The following HS2ST1 variants were observed in gnomAD, a reference collection of about 807,000 sequenced individuals.
HS2ST1 encodes the protein 2-O-sulfotransferase.
HS2ST1 carries 18 observed loss-of-function variants against 42.9 expected under a neutral mutation model. The observed-to-expected ratio is 0.42, with a 90% CI of 0.29 to 0.62. The LOEUF (loss-of-function observed/expected upper bound fraction) is 0.62, where lower values mean the gene tolerates loss of function less well. HS2ST1 is among the 20% of genes least tolerant of loss of function. The probability of loss-of-function intolerance (pLI) is 0.21; values close to 1 mark genes in which losing one functional copy is unlikely to be tolerated. For synonymous variants in HS2ST1, 146 were observed against 152.9 expected, an observed-to-expected ratio of 0.95 and a Z score of 0.33; for missense variants, 334 against 433.8, an observed-to-expected ratio of 0.77 and a Z score of 2.04.
At chr1:87,032,371 C>A (rs1049329756) in intron 1 of HS2ST1, among the ~76,000 whole-genome samples, 4 of 152,114 alleles carry the variant, frequency 2.6e-5, no homozygotes, top group Non-Finnish European at 5.9e-5. Flanking sequence ...TGTCAGGTCT[C>A]TTTCCCAGCC....
At chr1:86,960,227 C>CAAAAAAAAAAA (rs145286319) in intron 1 of HS2ST1, among the ~76,000 whole-genome samples, 1 of 131,492 alleles carries the variant, frequency 7.6e-6, no homozygotes, top group Non-Finnish European at 1.6e-5. Flanking sequence ...TCCACGCCAC[C>CAAAAAAAAAAA]AAAAAAAAAA....
At chr1:87,026,492 T>C (rs1650088775) in intron 1 of HS2ST1, among the ~76,000 whole-genome samples, 1 of 152,228 alleles carries the variant, frequency 6.6e-6, no homozygotes, top group East Asian at 1.9e-4. Context: ...ATGAAAATAT[T>C]CTGAGCATTT....
At chr1:87,042,743 A>G (rs1028229449) in intron 1 of HS2ST1, among the ~76,000 whole-genome samples, 2 of 152,132 alleles carry the variant, frequency 1.3e-5, no homozygotes, top group Non-Finnish European at 2.9e-5. Context: ...TTATCACTGG[A>G]AATTATACAT....
At position 87,108,406 on chromosome 1, in the gene HS2ST1, C is replaced by A. The variant is rs1652381904; in HGVS notation, c.*3710C>A. On this transcript the variant is annotated 3_prime_UTR_variant, in exon 7 of 7. Coordinates refer to ENST00000370550, the MANE Select transcript of HS2ST1 (RefSeq NM_012262.4). The stretch of plus-strand genomic sequence containing the variant: ...GCCTTTAAGAGGCCCAGGTGCTTCT[C>A]CTTTATGATTTGAGTTGGCCTCTTC... The A allele has an allele frequency of 6.6e-6, 1 of 152,054 alleles. No homozygotes were observed. Among genetic ancestry groups the A allele is most frequent in the Admixed American group, 6.6e-5 (1 of 15,248 alleles). 9.4% of individuals were successfully genotyped at this position (152,054 alleles called of 1,614,324 possible).
intron 1 of HS2ST1, among the ~76,000 whole-genome samples, chr1:87,070,972 G>A (rs1651389456): frequency 6.6e-6 from 1 of 152,032 alleles, no homozygotes; most frequent in Non-Finnish European, 1.5e-5. Flanking sequence ...ATATCTCCTG[G>A]ATGACCCAGG....
At chr1:86,955,383 G>A (rs903872301) in intron 1 of HS2ST1, among the ~76,000 whole-genome samples, 2 of 152,124 alleles carry the variant, frequency 1.3e-5, no homozygotes, top group African/African-American at 2.4e-5. Flanking sequence ...TTGCGCTTGC[G>A]AGGAGGGATC....
chr1:86,919,541 A>G (rs1660247187), intron 1 of HS2ST1, among the ~76,000 whole-genome samples: 1 of 152,158 alleles, frequency 6.6e-6, no homozygotes, highest in South Asian at 2.1e-4. Flanking sequence ...CCTTCTTTTA[A>G]TCACATACTA....
intron 1 of HS2ST1, among the ~76,000 whole-genome samples, chr1:86,931,928 A>C (rs1000938989): frequency 2.6e-5 from 4 of 152,022 alleles, no homozygotes; most frequent in African/African-American, 9.7e-5. Flanking sequence ...CTGATAAAGT[A>C]GTTTATAACT....
chr1:87,071,751 A>G lies in HS2ST1; in HGVS notation c.125-1183A>G, dbSNP rs539601377. Among the ~76,000 whole-genome samples, 4 of 150,428 alleles carry G rather than the reference A, an allele frequency of 2.7e-5. No homozygotes were observed. In the South Asian group the frequency reaches 8.4e-4, roughly 32 times the overall value. The stretch of plus-strand genomic sequence containing the variant: ...TCCGAAAAAAAAAAAAAAAAAGATG[A>G]TTTGACCTAGTCAGAGCTATCAGAT... On this transcript the variant is annotated intron_variant, in intron 1 of 6. Coordinates refer to ENST00000370550, the MANE Select transcript of HS2ST1 (RefSeq NM_012262.4).
chr1:86,977,891 T>TTTC (rs1460823160), intron 1 of HS2ST1, among the ~76,000 whole-genome samples: 13 of 152,202 alleles, frequency 8.5e-5, no homozygotes, highest in Non-Finnish European at 1.5e-4. Flanking sequence ...GATTTTGTGG[T>TTTC]TTCAGTACAG....
intron 1 of HS2ST1, among the ~76,000 whole-genome samples, chr1:87,038,664 T>C (rs561242166): frequency 6.6e-6 from 1 of 152,278 alleles, no homozygotes; most frequent in South Asian, 2.1e-4. Flanking sequence ...TTAAGTTACA[T>C]AAAGGCAAGA....
intron 1 of HS2ST1, among the ~76,000 whole-genome samples, chr1:87,028,021 C>T (rs2100593223): frequency 6.6e-6 from 1 of 152,314 alleles, no homozygotes; most frequent in East Asian, 1.9e-4. Flanking sequence ...TTAAGAAATG[C>T]TACCTTAGAT....
At position 87,107,661 on chromosome 1, in the gene HS2ST1, A is replaced by C. The variant is rs1157198391; in HGVS notation, c.*2965A>C. 5.4e-5 allele frequency: 7 copies of C among 130,686 alleles called. No individual in the cohort carries two copies. The highest frequency in any genetic ancestry group is 1.0e-4 in the Non-Finnish European group (6 of 58,920). 8.1% of individuals were successfully genotyped at this position (130,686 alleles called of 1,614,324 possible). A position where few individuals can be genotyped will look rare whatever the true frequency, so the allele number is the denominator to read the frequency against. The stretch of plus-strand genomic sequence containing the variant: ...TATATACATATATATATATATGTTT[A>C]TTTCCTAAAAGAAGAAAAGATACCT... On this transcript the variant is annotated 3_prime_UTR_variant, in exon 7 of 7. Transcript: ENST00000370550.
intron 1 of HS2ST1, among the ~76,000 whole-genome samples, chr1:86,917,033 T>A (rs1660173292): frequency 6.6e-6 from 1 of 152,126 alleles, no homozygotes. Context: ...TGCTTTCTTG[T>A]GATACAAGAA....
At chr1:86,918,580 T>C (rs1405018509) in intron 1 of HS2ST1, among the ~76,000 whole-genome samples, 1 of 152,220 alleles carries the variant, frequency 6.6e-6, no homozygotes, top group East Asian at 1.9e-4. Flanking sequence ...GTTTAACTCA[T>C]GTTGATGTCA....
chr1:87,037,478 G>A (rs1312742811), intron 1 of HS2ST1, among the ~76,000 whole-genome samples: 1 of 151,550 alleles, frequency 6.6e-6, no homozygotes, highest in Non-Finnish European at 1.5e-5. Flanking sequence ...AAAGATTACA[G>A]AAAAGTCCAA....
intron 1 of HS2ST1, among the ~76,000 whole-genome samples, chr1:87,048,791 A>C (rs939315274): frequency 6.6e-6 from 1 of 152,136 alleles, no homozygotes; most frequent in Non-Finnish European, 1.5e-5. Flanking sequence ...TGACTTTTGC[A>C]TGTTAAACCA....
chr1:86,975,844 G>A (rs1648384856), intron 1 of HS2ST1, among the ~76,000 whole-genome samples: 1 of 152,096 alleles, frequency 6.6e-6, no homozygotes, highest in South Asian at 2.1e-4. Context: ...CTATTTTAAG[G>A]GTGAAGTACA....
intron 1 of HS2ST1, among the ~76,000 whole-genome samples, chr1:87,007,253 C>T (rs1205917632): frequency 6.6e-6 from 1 of 152,006 alleles, no homozygotes; most frequent in Non-Finnish European, 1.5e-5. Flanking sequence ...CATACACGTA[C>T]TTTCACACAC....
Sources: gnomAD v4.1 joint callset for allele counts (sites outside exome capture counted in the v4.1 genomes callset) on GRCh38, gnomAD v4.1.1 for gene constraint, MANE v1.5 for transcripts, NCBI Gene and HGNC (gene_info 2026-07-23, HGNC 2026-07-21) for gene names.